CNTNAP4: variants seen among roughly 807,000 people sequenced by gnomAD.
CNTNAP4 encodes the protein contactin associated protein family member 4.
Under a neutral mutation model 148.4 loss-of-function variants are expected in CNTNAP4, and 98 were observed. The ratio of observed to expected loss-of-function variants is 0.66; its 90% CI spans 0.56 to 0.78. The LOEUF is 0.78. Ranked by LOEUF, CNTNAP4 falls within the 30% of genes least tolerant of loss-of-function variation. The pLI is 0.00. For missense variants in CNTNAP4, 1,935 were observed against 1,565.6 expected (o/e 1.24, Z -3.98); for synonymous variants, 730 against 565.1 (o/e 1.29, Z -4.14).
intron 2 of CNTNAP4, among the ~76,000 whole-genome samples, chr16:76,328,417 G>A (rs1054371238): frequency 3.9e-5 from 6 of 152,042 alleles, no homozygotes; most frequent in African/African-American, 9.7e-5. Context: ...AGCCTGAAAC[G>A]GTCATAACCA....
At chr16:76,451,143 A>T (rs4459575) in intron 7 of CNTNAP4, among the ~76,000 whole-genome samples, 2 of 151,998 alleles carry the variant, frequency 1.3e-5, no homozygotes, top group South Asian at 4.1e-4. Context: ...GCAGGAGAGC[A>T]AGGACAGACT....
At chr16:76,325,499 G>T (rs1456984182) in intron 2 of CNTNAP4, among the ~76,000 whole-genome samples, 1 of 152,086 alleles carries the variant, frequency 6.6e-6, no homozygotes, top group African/African-American at 2.4e-5. Context: ...TCATTAATTA[G>T]AGAATACTTG....
At chr16:76,381,154 G>A (rs915181731) in intron 3 of CNTNAP4, among the ~76,000 whole-genome samples, 4 of 152,138 alleles carry the variant, frequency 2.6e-5, no homozygotes, top group Non-Finnish European at 4.4e-5. Context: ...TGAATCAGAT[G>A]GACTGAATTT....
chr16:76,382,786 C>T (rs1284060111), intron 3 of CNTNAP4, among the ~76,000 whole-genome samples: 1 of 152,114 alleles, frequency 6.6e-6, no homozygotes, highest in Non-Finnish European at 1.5e-5. Context: ...TCTAGAATTC[C>T]TTGCAGTAAA....
intron 3 of CNTNAP4, among the ~76,000 whole-genome samples, chr16:76,404,652 A>T (rs367592324): frequency 2.6e-5 from 4 of 152,290 alleles, no homozygotes; most frequent in African/African-American, 9.6e-5. Context: ...TTTATATAAG[A>T]TTCTGTAAAC....
chr16:76,448,823 C>G lies in CNTNAP4; in HGVS notation c.799C>G (p.Leu267Val). Residue 267 changes from leucine to valine, a missense_variant, in exon 6 of 24, where the codon CTA (leucine) becomes GTA (valine). By Grantham distance (32) the Leu-to-Val change is conservative (BLOSUM62 1). Coordinates refer to ENST00000611870, the MANE Select transcript of CNTNAP4 (RefSeq NM_033401.5). Reference protein sequence around the residue: ...TLVNLTLGSLLDDQHWHSVLI... With the variant: ...TLVNLTLGSLVDDQHWHSVLI... The stretch of plus-strand genomic sequence containing the variant: ...GGTCAATCTCACCCTGGGCAGCCTG[C>G]TAGATGATCAGCATTGGCATTCAGT... The G allele has an allele frequency of 3.7e-6, 6 of 1,612,408 alleles. No homozygotes were observed. The South Asian group carries it at 6.6e-5, about 18-fold the overall frequency.
chr16:76,546,707 C>G lies in CNTNAP4; in HGVS notation c.3442+5917C>G, dbSNP rs531761248. On this transcript the variant is annotated intron_variant, in intron 21 of 23. Coordinates refer to ENST00000611870, the MANE Select transcript of CNTNAP4 (RefSeq NM_033401.5). ...TCCCCCCACTCCCATCTGTAGAAAA[C>G]CTGTCTTCCTTGAAACTGGTCCCTG... Among the ~76,000 whole-genome samples, 5 of 152,216 alleles carry G rather than the reference C, an allele frequency of 3.3e-5. 1 individual carries two copies. The East Asian group carries it at 9.7e-4, about 29-fold the overall frequency.
intron 15 of CNTNAP4, among the ~76,000 whole-genome samples, chr16:76,502,608 GT>G (rs955317850): frequency 1.3e-5 from 2 of 152,140 alleles, no homozygotes; most frequent in African/African-American, 4.8e-5. Flanking sequence ...GACCTCTGAT[GT>G]AAGACAAGGA....
At position 76,316,311 on chromosome 16, in the gene CNTNAP4, A is replaced by G. The variant is rs777006719; in HGVS notation, c.86-102A>G. The G allele has an allele frequency of 1.1e-5, 8 of 755,430 alleles. No homozygotes were observed. In the African/African-American group the frequency reaches 1.4e-4, roughly 13 times the overall value. 46.8% of individuals were successfully genotyped at this position (755,430 alleles called of 1,614,324 possible). A position where few individuals can be genotyped will look rare whatever the true frequency, so the allele number is the denominator to read the frequency against. On this transcript the variant is annotated intron_variant, in intron 1 of 23. Transcript: ENST00000611870. ...CATATTTTTAGAGATCTTAGATCCT[A>G]GTTTTTGATGTTGTTGTTTTACTTG... is the stretch of plus-strand genomic sequence containing the variant.
At chr16:76,332,912 G>T (rs1225858912) in intron 2 of CNTNAP4, among the ~76,000 whole-genome samples, 1 of 152,108 alleles carries the variant, frequency 6.6e-6, no homozygotes, top group Admixed American at 6.5e-5. Flanking sequence ...CAGGTTAGTG[G>T]TACGGGCCAG....
intron 1 of CNTNAP4, among the ~76,000 whole-genome samples, chr16:76,298,779 A>G (rs992926240): frequency 9.9e-5 from 15 of 152,084 alleles, no homozygotes; most frequent in Non-Finnish European, 8.8e-5. Flanking sequence ...TTCCTGAGAC[A>G]TTCAGTCTCT....
chr16:76,433,444 A>C (rs541318511), intron 4 of CNTNAP4, among the ~76,000 whole-genome samples: 2 of 152,186 alleles, frequency 1.3e-5, no homozygotes, highest in Non-Finnish European at 2.9e-5. Flanking sequence ...ATTAACTTGC[A>C]CATAATAGGA....
chr16:76,396,246 T>TTAATTCAA (rs1451312735), intron 3 of CNTNAP4, among the ~76,000 whole-genome samples: 1 of 152,166 alleles, frequency 6.6e-6, no homozygotes, highest in East Asian at 1.9e-4. Flanking sequence ...CATTTGCCAT[T>TTAATTCAA]TAATTCAATA....
intron 11 of CNTNAP4, among the ~76,000 whole-genome samples, chr16:76,477,467 C>G (rs1330311056): frequency 6.6e-6 from 1 of 152,190 alleles, no homozygotes; most frequent in African/African-American, 2.4e-5. Context: ...CTGCATTGTG[C>G]TCCTGCCAGT....
At chr16:76,329,337 A>T (rs887197941) in intron 2 of CNTNAP4, among the ~76,000 whole-genome samples, 2 of 152,184 alleles carry the variant, frequency 1.3e-5, no homozygotes, top group Non-Finnish European at 2.9e-5. Flanking sequence ...TTCCCATTTA[A>T]TTAGATTCTG....
At chr16:76,417,635 C>A (rs1227344170) in intron 3 of CNTNAP4, among the ~76,000 whole-genome samples, 1 of 151,618 alleles carries the variant, frequency 6.6e-6, no homozygotes, top group East Asian at 1.9e-4. Context: ...CTAATGATTT[C>A]ATTAACTAAG....
intron 9 of CNTNAP4, among the ~76,000 whole-genome samples, chr16:76,464,540 A>G (rs2081107425): frequency 6.6e-6 from 1 of 152,130 alleles, no homozygotes; most frequent in South Asian, 2.1e-4. Context: ...AGTGTTTTTT[A>G]GATAATTCTT....
chr16:76,346,933 T>C (rs1487641341), intron 2 of CNTNAP4, among the ~76,000 whole-genome samples: 5 of 152,208 alleles, frequency 3.3e-5, no homozygotes, highest in Admixed American at 6.5e-5. Context: ...TCTGCCAGTT[T>C]GCCATGAGGG....
At chr16:76,516,181 T>A (rs934999281) in intron 15 of CNTNAP4, among the ~76,000 whole-genome samples, 30 of 150,900 alleles carry the variant, frequency 2.0e-4, no homozygotes, top group African/African-American at 7.3e-4. Flanking sequence ...TTACAAGTGA[T>A]AACATGTGGT....
Sources: allele counts gnomAD v4.1 joint callset (sites outside exome capture counted in the v4.1 genomes callset), GRCh38; gene constraint gnomAD v4.1.1; transcripts MANE v1.5; gene names NCBI Gene and HGNC (gene_info 2026-07-23, HGNC 2026-07-21).